Variants in TMEFF1 observed in about 807,000 individuals in gnomAD.
TMEFF1 encodes the protein transmembrane protein with EGF like and two follistatin like domains 1.
A neutral mutation model predicts 47.5 loss-of-function variants in TMEFF1; 20 were observed. That is an observed-to-expected ratio of 0.42 (90% CI 0.30 to 0.61). TMEFF1 has a LOEUF of 0.61. Among genes scored for constraint, TMEFF1 ranks in the 20% least tolerant of loss-of-function variants. TMEFF1 has a pLI of 0.19. For synonymous variants in TMEFF1, 162 were observed against 166.3 expected (o/e 0.97, Z 0.20); for missense variants, 411 against 471.1 (o/e 0.87, Z 1.18).
intron 5 of TMEFF1, among the ~76,000 whole-genome samples, chr9:100,542,121 T>A (rs558087027): frequency 1.3e-5 from 2 of 150,808 alleles, no homozygotes; most frequent in Non-Finnish European, 3.0e-5. Context: ...CTTTTTTGGA[T>A]TTTTTTTTTC....
At chr9:100,488,295 T>C (rs1837488066) in intron 1 of TMEFF1, among the ~76,000 whole-genome samples, 1 of 152,214 alleles carries the variant, frequency 6.6e-6, no homozygotes, top group Non-Finnish European at 1.5e-5. Context: ...AAAGTCTGTG[T>C]AGTATTATGT....
chr9:100,550,723 A>G (rs1838815705), intron 7 of TMEFF1, among the ~76,000 whole-genome samples: 1 of 152,204 alleles, frequency 6.6e-6, no homozygotes. Context: ...CCTCTAGGCT[A>G]TGAGTTCTGT....
At chr9:100,521,467 T>G (rs1415282130) in intron 5 of TMEFF1, among the ~76,000 whole-genome samples, 1 of 152,232 alleles carries the variant, frequency 6.6e-6, no homozygotes, top group African/African-American at 2.4e-5. Flanking sequence ...GTGCATAGAC[T>G]TCCTACTGGG....
At chr9:100,480,162 T>A (rs1837313692) in intron 1 of TMEFF1, among the ~76,000 whole-genome samples, 1 of 152,216 alleles carries the variant, frequency 6.6e-6, no homozygotes, top group Non-Finnish European at 1.5e-5. Flanking sequence ...GCTATCTGTA[T>A]ATCTTCTTTG....
At chr9:100,518,331 A>C (rs1423727237) in intron 5 of TMEFF1, 1 of 516,684 alleles carries the variant, frequency 1.9e-6, no homozygotes, top group Admixed American at 6.4e-5. Context: ...TATGTAGCCT[A>C]TTCCCAATCA....
intron 6 of TMEFF1, among the ~76,000 whole-genome samples, chr9:100,548,367 A>G (rs1838775061): frequency 5.3e-5 from 8 of 152,202 alleles, no homozygotes. Flanking sequence ...GTGAAGTTAG[A>G]GAATGTAAGG....
intron 4 of TMEFF1, among the ~76,000 whole-genome samples, chr9:100,516,145 C>A (rs1324610496): frequency 2.0e-5 from 3 of 151,924 alleles, no homozygotes; most frequent in Non-Finnish European, 2.9e-5. Flanking sequence ...ACAAAGAGAC[C>A]CTTTTCCATT....
intron 4 of TMEFF1, 98 bp downstream of exon 4, chr9:100,513,431 T>C: frequency 4.7e-5 from 57 of 1,210,122 alleles, no homozygotes; most frequent in Non-Finnish European, 6.0e-5. Flanking sequence ...TGAGATATAA[T>C]TCACATACCA....
Position 100,561,447 on chromosome 9 carries a change from C to A in TMEFF1, c.826C>A (p.Pro276Thr). 1 of 1,613,736 alleles carries A rather than the reference C, an allele frequency of 6.2e-7. No individual in the cohort carries two copies. The change falls in exon 8 of 10, where the codon CCT (proline) becomes ACT (threonine). Residue 276 changes from proline to threonine, a missense_variant. By Grantham distance (38) the Pro-to-Thr change is conservative. Transcript: ENST00000374879. ...DVYIGNHMPC[P>T]ENLNGYCIHG... ...TTATATTGGAAACCACATGCCTTGCCCTGAAAACCTCAATGGTTACTGCAT... is the reference window on the plus strand; with the variant it reads ...TTATATTGGAAACCACATGCCTTGCACTGAAAACCTCAATGGTTACTGCAT...
intron 5 of TMEFF1, among the ~76,000 whole-genome samples, chr9:100,535,786 T>A (rs1318191238): frequency 1.3e-5 from 2 of 152,234 alleles, no homozygotes; most frequent in East Asian, 3.9e-4. Flanking sequence ...AAAACTAAAC[T>A]AACAACCACA....
At chr9:100,527,533 G>A (rs949847315) in intron 5 of TMEFF1, among the ~76,000 whole-genome samples, 9 of 152,148 alleles carry the variant, frequency 5.9e-5, no homozygotes, top group African/African-American at 2.2e-4. Flanking sequence ...CTTTTCCGAC[G>A]GGCTTAAAAA....
intron 5 of TMEFF1, among the ~76,000 whole-genome samples, chr9:100,517,016 T>A (rs1838087015): frequency 1.3e-5 from 2 of 152,190 alleles, no homozygotes; most frequent in Admixed American, 1.3e-4. Flanking sequence ...ATGCTTTTCT[T>A]CCTCCCTGTA....
intron 8 of TMEFF1, among the ~76,000 whole-genome samples, chr9:100,564,615 G>A (rs1342757558): frequency 1.3e-5 from 2 of 152,140 alleles, no homozygotes; most frequent in East Asian, 1.9e-4. Flanking sequence ...GATGGGTGGG[G>A]GACATTGTTG....
chr9:100,474,279 G>A (rs965878213), intron 1 of TMEFF1, among the ~76,000 whole-genome samples: 6 of 151,888 alleles, frequency 4.0e-5, no homozygotes, highest in Non-Finnish European at 8.8e-5. Flanking sequence ...TGGATAAAGG[G>A]AACGGGTTGT....
chr9:100,480,296 C>T lies in TMEFF1; in HGVS notation c.196+6556C>T, dbSNP rs543664437. On this transcript the variant is annotated intron_variant, in intron 1 of 9. Transcript: ENST00000374879. Reference sequence around the variant, plus strand: ...CAGAGATGCTCAAATGCTAAGTTGGCTCTCGTTTGTCATTTGATTTTTCTG... The same window carrying T: ...CAGAGATGCTCAAATGCTAAGTTGGTTCTCGTTTGTCATTTGATTTTTCTG... Among the ~76,000 whole-genome samples the T allele has an allele frequency of 2.5e-4, 38 of 152,220 alleles. 1 individual carries two copies. In the South Asian group the frequency reaches 7.9e-3, roughly 32 times the overall value.
intron 2 of TMEFF1, among the ~76,000 whole-genome samples, chr9:100,504,981 T>C (rs950505137): frequency 3.9e-5 from 6 of 152,126 alleles, no homozygotes; most frequent in Non-Finnish European, 7.3e-5. Flanking sequence ...TAATGCATGA[T>C]TGCAATGTAA....
In TMEFF1 at chr9:100,577,236, A is replaced by T. The variant is rs772165179; in HGVS notation, c.*636A>T. On this transcript the variant is annotated 3_prime_UTR_variant, in exon 10 of 10. Coordinates refer to ENST00000374879, the MANE Select transcript of TMEFF1 (RefSeq NM_003692.5). ...AAAAGTAGATATAGATATTGTGAAA[A>T]TAGGCTGTTTAACAAACAGATTGGA... 1.3e-5 allele frequency: 2 copies of T among 152,644 alleles called. No individual in the cohort carries two copies. The highest frequency in any genetic ancestry group is 1.3e-4 in the Admixed American group (2 of 15,286). 9.5% of individuals were successfully genotyped at this position (152,644 alleles called of 1,614,324 possible).
intron 5 of TMEFF1, among the ~76,000 whole-genome samples, chr9:100,546,190 C>G (rs1838729489): frequency 6.6e-6 from 1 of 152,080 alleles, no homozygotes; most frequent in Non-Finnish European, 1.5e-5. Context: ...AAAGATATAC[C>G]CGAGACTGGG....
Position 100,521,183 on chromosome 9 carries a change from G to T in TMEFF1, c.560+4412G>T, listed in dbSNP as rs114297578. Among the ~76,000 whole-genome samples, 108 of 152,292 alleles carry T rather than the reference G, an allele frequency of 7.1e-4. 1 individual carries two copies. The East Asian group carries it at 0.017, about 24-fold the overall frequency. ...AGTGCGTGAACTTTATTCATTGTAT[G>T]TGTTTTATCTGTCTTGTCTGCTCAA... is the stretch of plus-strand genomic sequence containing the variant. On this transcript the variant is annotated intron_variant, in intron 5 of 9. Coordinates refer to ENST00000374879, the MANE Select transcript of TMEFF1 (RefSeq NM_003692.5).
Sources: allele counts gnomAD v4.1 joint callset (sites outside exome capture counted in the v4.1 genomes callset), GRCh38; gene constraint gnomAD v4.1.1; transcripts MANE v1.5; gene names NCBI Gene and HGNC (gene_info 2026-07-23, HGNC 2026-07-21).